CIT: variants seen among roughly 807,000 people sequenced by gnomAD.
CIT encodes the protein citron rho-interacting serine/threonine kinase.
CIT carries 79 observed loss-of-function variants against 272.7 expected under a neutral mutation model. The ratio of observed to expected loss-of-function variants is 0.29; its 90% CI spans 0.24 to 0.35. The LOEUF is 0.35. Among genes scored for constraint, CIT ranks in the 10% least tolerant of loss-of-function variants. CIT has a pLI of 1.00. For missense variants in CIT, 1,909 were observed against 2,618.3 expected (o/e 0.73, Z 5.91); for synonymous variants, 948 against 995.6 (o/e 0.95, Z 0.90).
chr12:119,826,118 C>T (rs1968138320), intron 7 of CIT, among the ~76,000 whole-genome samples: 1 of 152,032 alleles, frequency 6.6e-6, no homozygotes, highest in Non-Finnish European at 1.5e-5. Flanking sequence ...GATAATATTA[C>T]AAATCTCAAG....
rs759571779 is a variant in CIT at position 119,820,408 on chromosome 12, G to A, written c.1111+2412C>T. On this transcript the variant is annotated intron_variant, in intron 9 of 47. Transcript: ENST00000392521. The stretch of plus-strand genomic sequence containing the variant: ...TCTACTGAAAATACAAAAAGTAGCC[G>A]GGCATGGTGGCGCACACCTGTGGTC... Among the ~76,000 whole-genome samples the A allele has an allele frequency of 2.2e-4, 34 of 151,950 alleles. 1 individual carries two copies. The highest frequency in any genetic ancestry group is 3.1e-4 in the Non-Finnish European group (21 of 68,006).
chr12:119,800,272 T>C (rs908181582), intron 10 of CIT, among the ~76,000 whole-genome samples: 7 of 152,052 alleles, frequency 4.6e-5, no homozygotes, highest in African/African-American at 1.7e-4. Flanking sequence ...AATTTCACCA[T>C]AACCCCACCC....
At chr12:119,865,953 A>T (rs1005960596) in intron 3 of CIT, among the ~76,000 whole-genome samples, 2 of 151,778 alleles carry the variant, frequency 1.3e-5, no homozygotes, top group African/African-American at 4.9e-5. Context: ...ACTGAAGAGC[A>T]CTATAGTGAA....
rs1392151650 is a variant in CIT at position 119,867,338 on chromosome 12, G to C, written c.238+1722C>G. ...CAAATGGCTGGGATTACAGGCGCCC[G>C]CTGCCACATTCAGCTAATTCTTGTA... On this transcript the variant is annotated intron_variant, in intron 3 of 47. Transcript: ENST00000392521. Among the ~76,000 whole-genome samples, 6 of 151,994 alleles carry C rather than the reference G, an allele frequency of 3.9e-5. No homozygotes were observed. In the East Asian group the frequency reaches 1.2e-3, roughly 29 times the overall value.
At chr12:119,785,105 G>A (rs370860129) in intron 10 of CIT, 40 bp from the exon 11 acceptor site, 232 of 1,604,548 alleles carry the variant, frequency 1.4e-4, no homozygotes, top group Non-Finnish European at 2.0e-4. Context: ...GCCTGCAGGT[G>A]GGCCTAAGAA....
chr12:119,859,762 A>G (rs11064934), intron 3 of CIT, among the ~76,000 whole-genome samples: 7,257 of 152,036 alleles, frequency 0.048, 322 homozygotes, highest in African/African-American at 0.12. Flanking sequence ...TGTAGTGAGC[A>G]GAGATCGTAC....
intron 39 of CIT, among the ~76,000 whole-genome samples, chr12:119,708,580 G>A (rs1956995450): frequency 6.6e-6 from 1 of 151,936 alleles, no homozygotes; most frequent in Non-Finnish European, 1.5e-5. Flanking sequence ...CTGCCTCCTG[G>A]GTTCAAGCAA....
In CIT at chr12:119,696,968, T is replaced by C. The variant is rs560514733; in HGVS notation, c.5882+691A>G. Among the ~76,000 whole-genome samples, 3 of 152,352 alleles carry C rather than the reference T, an allele frequency of 2.0e-5. No individual in the cohort carries two copies. The South Asian group carries it at 6.2e-4, about 32-fold the overall frequency. ...AACATTCCTTCCCAGGGCTGTACTT[T>C]AATTTATTTAACTGCTTCTTTATCA... On this transcript the variant is annotated intron_variant, in intron 46 of 47. Transcript: ENST00000392521.
intron 23 of CIT, among the ~76,000 whole-genome samples, chr12:119,746,295 T>C (rs1366495043): frequency 6.6e-6 from 1 of 152,204 alleles, no homozygotes; most frequent in Non-Finnish European, 1.5e-5. Flanking sequence ...TACTTAACTC[T>C]ACCCTTCTAA....
intron 5 of CIT, among the ~76,000 whole-genome samples, chr12:119,842,382 GCA>G (rs1969466285): frequency 1.1e-5 from 1 of 93,326 alleles, no homozygotes. Flanking sequence ...GAGCGAGACT[GCA>G]TCTCAAAAAA....
In CIT at chr12:119,694,806, G is replaced by A. The variant is rs1045545916; in HGVS notation, c.5882+2853C>T. ...TGGGCACAGAGTGAGACCCTACCTC[G>A]AAAAAAAATAAATAAATAAAAATAA... is the stretch of plus-strand genomic sequence containing the variant. On this transcript the variant is annotated intron_variant, in intron 46 of 47. Transcript: ENST00000392521. This position sits in a 1 kb window ranked among gnomAD's most constrained non-coding sequence, Gnocchi z 4.5. 6.7e-5 allele frequency among the ~76,000 whole-genome samples: 10 copies of A among 150,326 alleles called. No homozygotes were observed. Among genetic ancestry groups the A allele is most frequent in the Admixed American group, 2.6e-4 (4 of 15,100 alleles).
chr12:119,743,222 G>A (rs532674969), intron 23 of CIT, among the ~76,000 whole-genome samples: 2 of 151,500 alleles, frequency 1.3e-5, no homozygotes. Flanking sequence ...AACAAATAGG[G>A]ACCAGTTTAA....
intron 25 of CIT, 188 bp from the exon 26 acceptor site, chr12:119,734,545 A>G (rs977062712): frequency 1.6e-6 from 1 of 640,420 alleles, no homozygotes; most frequent in Non-Finnish European, 2.7e-6. Flanking sequence ...CAGCCACCTT[A>G]GAGGCAGGAT....
At chr12:119,743,462 CAG>C (rs1174970091) in intron 23 of CIT, among the ~76,000 whole-genome samples, 1 of 152,126 alleles carries the variant, frequency 6.6e-6, no homozygotes, top group African/African-American at 2.4e-5. Context: ...GTGGCTAGAG[CAG>C]AGTTTTTCAA....
intron 13 of CIT, among the ~76,000 whole-genome samples, chr12:119,781,002 G>C (rs1964238191): frequency 6.6e-6 from 1 of 152,196 alleles, no homozygotes; most frequent in Non-Finnish European, 1.5e-5. Context: ...ATGGACACCA[G>C]CTGCTCCCTC....
At chr12:119,701,584 A>G (rs1956580023) in intron 43 of CIT, 40 bp downstream of exon 43, 2 of 1,605,864 alleles carry the variant, frequency 1.2e-6, no homozygotes, top group Non-Finnish European at 1.7e-6. Flanking sequence ...CCTAGTGTCC[A>G]TGAGGACCCA....
At chr12:119,854,853 A>C (rs1006838903) in intron 4 of CIT, among the ~76,000 whole-genome samples, 2 of 152,176 alleles carry the variant, frequency 1.3e-5, no homozygotes. Flanking sequence ...CAGGAGGCTG[A>C]GCAAGAAGAA....
At chr12:119,773,938 T>C (rs1472652732) in intron 16 of CIT, among the ~76,000 whole-genome samples, 1 of 152,164 alleles carries the variant, frequency 6.6e-6, no homozygotes, top group Non-Finnish European at 1.5e-5. Context: ...ATAAGCAATA[T>C]GCAGTATGTC....
chr12:119,862,018 T>C (rs1950353744), intron 3 of CIT, among the ~76,000 whole-genome samples: 1 of 152,162 alleles, frequency 6.6e-6, no homozygotes, highest in Non-Finnish European at 1.5e-5. Flanking sequence ...TGTTTGTTTC[T>C]AGGATGGAGT....
Sources: gnomAD v4.1 joint callset for allele counts (sites outside exome capture counted in the v4.1 genomes callset) on GRCh38, gnomAD v4.1.1 for gene constraint, Gnocchi (gnomAD v3.1) non-coding constraint, MANE v1.5 for transcripts, NCBI Gene and HGNC (gene_info 2026-07-23, HGNC 2026-07-21) for gene names.